The following GREM2 variants were observed in gnomAD, a reference collection of about 807,000 sequenced individuals.
The protein encoded by GREM2 is gremlin-2.
In GREM2, 11 loss-of-function variants were observed where a neutral mutation model predicts 14.2. The ratio of observed to expected loss-of-function variants is 0.78; its 90% confidence interval spans 0.49 to 1.28. The LOEUF (loss-of-function observed/expected upper bound fraction) is 1.28, where lower values mean the gene tolerates loss of function less well. GREM2 is among the 50% of genes most tolerant of loss of function. The probability of loss-of-function intolerance (pLI) is 0.00; values close to 1 mark genes in which losing one functional copy is unlikely to be tolerated. For missense variants in GREM2, 210 were observed against 218.5 expected, an observed-to-expected ratio of 0.96 and a Z score of 0.24; for synonymous variants, 98 against 97.6, an observed-to-expected ratio of 1.00 and a Z score of -0.02.
At chr1:240,546,018 G>C (rs1678708161) in intron 1 of GREM2, among the ~76,000 whole-genome samples, 1 of 152,128 alleles carries the variant, frequency 6.6e-6, no homozygotes, top group African/African-American at 2.4e-5. Flanking sequence ...TTTCTCCACA[G>C]ACTCTTCCAA....
chr1:240,572,724 T>C (rs911296261), intron 1 of GREM2, among the ~76,000 whole-genome samples: 1 of 152,162 alleles, frequency 6.6e-6, no homozygotes, highest in Non-Finnish European at 1.5e-5. Flanking sequence ...AGTTCAAAAA[T>C]TGTGATGGAA....
chr1:240,498,603 C>T (rs1318748059), intron 1 of GREM2, among the ~76,000 whole-genome samples: 2 of 152,128 alleles, frequency 1.3e-5, no homozygotes, highest in African/African-American at 4.8e-5. Context: ...TGCCTCTGTC[C>T]GTTCGCTCAT....
At chr1:240,609,983 A>C (rs7544440) in intron 1 of GREM2, among the ~76,000 whole-genome samples, 96,216 of 151,882 alleles carry the variant, frequency 0.63, 30,807 homozygotes, top group East Asian at 0.92. Context: ...AATGATAGCA[A>C]AAAACAATGA....
In GREM2 at chr1:240,542,160, C is replaced by T. The variant is rs148253531; in HGVS notation, c.-1-48684G>A. Among the ~76,000 whole-genome samples the T allele has an allele frequency of 1.4e-4, 21 of 152,112 alleles. No homozygotes were observed. The highest frequency in any genetic ancestry group is 1.2e-3 in the East Asian group (6 of 5,158). The stretch of plus-strand genomic sequence containing the variant: ...CTGCAATGCACAAGACAGTCCTCCA[C>T]GACAAAACACCATCCTGTCCCTTGT... On this transcript the variant is annotated intron_variant, in intron 1 of 1. Coordinates refer to ENST00000318160, the MANE Select transcript of GREM2 (RefSeq NM_022469.4). This position sits in a 1 kb window ranked among gnomAD's most constrained non-coding sequence, Gnocchi z 4.1.
At chr1:240,562,891 T>G (rs1018681830) in intron 1 of GREM2, among the ~76,000 whole-genome samples, 1 of 150,602 alleles carries the variant, frequency 6.6e-6, no homozygotes, top group Non-Finnish European at 1.5e-5. Context: ...TGTGTATGAG[T>G]GTGTATGTGT....
At chr1:240,580,529 T>C (rs1288366995) in intron 1 of GREM2, among the ~76,000 whole-genome samples, 1 of 152,228 alleles carries the variant, frequency 6.6e-6, no homozygotes, top group African/African-American at 2.4e-5. Context: ...TAATTACTGC[T>C]GGTAGACGTT....
At chr1:240,607,271 G>T (rs919644651) in intron 1 of GREM2, among the ~76,000 whole-genome samples, 1 of 151,906 alleles carries the variant, frequency 6.6e-6, no homozygotes, top group Admixed American at 6.6e-5. Flanking sequence ...CTTTCCCCAA[G>T]GATGTGAAAA....
At chr1:240,587,448 C>A (rs1053600808) in intron 1 of GREM2, among the ~76,000 whole-genome samples, 8 of 151,708 alleles carry the variant, frequency 5.3e-5, no homozygotes, top group East Asian at 3.9e-4. Context: ...CAGCCTCCCA[C>A]GTAGCTGAGG....
chr1:240,611,666 T>TTAC (rs1680138193), intron 1 of GREM2, among the ~76,000 whole-genome samples: 1 of 152,130 alleles, frequency 6.6e-6, no homozygotes, highest in African/African-American at 2.4e-5. Context: ...GGTCCTTATG[T>TTAC]TACACCCACG....
chr1:240,571,115 C>T (rs1040989809), intron 1 of GREM2, among the ~76,000 whole-genome samples: 6 of 152,000 alleles, frequency 3.9e-5, no homozygotes, highest in African/African-American at 1.2e-4. Context: ...CAAATTCATG[C>T]GAATAGTTTT....
chr1:240,500,525 G>T (rs192624180), intron 1 of GREM2, among the ~76,000 whole-genome samples: 2 of 151,892 alleles, frequency 1.3e-5, no homozygotes, highest in African/African-American at 4.8e-5. Context: ...GGCTGGTCTC[G>T]AACTTCTAGC....
chr1:240,597,765 T>C (rs576719423), intron 1 of GREM2, among the ~76,000 whole-genome samples: 10 of 152,348 alleles, frequency 6.6e-5, no homozygotes, highest in African/African-American at 2.4e-4. Flanking sequence ...TAGCATTATC[T>C]GTGTCTTTGT....
chr1:240,523,410 A>G (rs1678147101), intron 1 of GREM2, among the ~76,000 whole-genome samples: 1 of 152,142 alleles, frequency 6.6e-6, no homozygotes, highest in African/African-American at 2.4e-5. Context: ...CCCATTAGAC[A>G]CCAGTAGCAG....
At chr1:240,508,102 C>T (rs1005219929) in intron 1 of GREM2, among the ~76,000 whole-genome samples, 1 of 152,128 alleles carries the variant, frequency 6.6e-6, no homozygotes, top group Non-Finnish European at 1.5e-5. Context: ...AAATAATTAA[C>T]CTTCTCCTCC....
At chr1:240,524,335 T>C (rs1181863436) in intron 1 of GREM2, among the ~76,000 whole-genome samples, 2 of 152,236 alleles carry the variant, frequency 1.3e-5, no homozygotes, top group Non-Finnish European at 2.9e-5. Context: ...TAGAGGTAAT[T>C]TACATATTAT....
rs1345448358 is a variant in GREM2, at chr1:240,542,490, C to G, written c.-1-49014G>C. Reference sequence around the variant, plus strand: ...ATTAGCTGGGTGTGGTGGTGCGCACCTGTAGTCCCAGCTACTCGGGAGGCT... The same window carrying G: ...ATTAGCTGGGTGTGGTGGTGCGCACGTGTAGTCCCAGCTACTCGGGAGGCT... On this transcript the variant is annotated intron_variant, in intron 1 of 1. Coordinates refer to ENST00000318160, the MANE Select transcript of GREM2 (RefSeq NM_022469.4). This position sits in a 1 kb window ranked among gnomAD's most constrained non-coding sequence, Gnocchi z 4.1. Among the ~76,000 whole-genome samples the G allele has an allele frequency of 6.6e-6, 1 of 151,210 alleles. No individual in the cohort carries two copies. The highest frequency in any genetic ancestry group is 1.5e-5 in the Non-Finnish European group (1 of 67,890).
At chr1:240,610,586 T>G (rs1680112826) in intron 1 of GREM2, among the ~76,000 whole-genome samples, 1 of 152,244 alleles carries the variant, frequency 6.6e-6, no homozygotes, top group Non-Finnish European at 1.5e-5. Context: ...TATAACTTTC[T>G]TATCTTCCTT....
At chr1:240,520,099 A>AAATAAAATAAAATAAAATAC (rs1678049034) in intron 1 of GREM2, among the ~76,000 whole-genome samples, 1 of 151,966 alleles carries the variant, frequency 6.6e-6, no homozygotes, top group Non-Finnish European at 1.5e-5. Context: ...AAATAAAATA[A>AAATAAAATAAAATAAAATAC]AATAAAATAA....
At chr1:240,611,743 G>T (rs1255245100) in intron 1 of GREM2, 141 bp downstream of exon 1, 4 of 152,628 alleles carry the variant, frequency 2.6e-5, no homozygotes, top group Non-Finnish European at 5.9e-5. Flanking sequence ...ATTACCCGGG[G>T]TGAAACCGGC....
Sources: allele counts gnomAD v4.1 joint callset (sites outside exome capture counted in the v4.1 genomes callset), GRCh38; gene constraint gnomAD v4.1.1; non-coding constraint Gnocchi (gnomAD v3.1); transcripts MANE v1.5; gene names NCBI Gene and HGNC (gene_info 2026-07-23, HGNC 2026-07-21).